The following TMED5 variants were observed in gnomAD, a reference collection of about 807,000 sequenced individuals.
TMED5 encodes transmembrane p24 trafficking protein 5, also known as transmembrane emp24 domain-containing protein 5.
TMED5 carries 27 observed loss-of-function variants against 23.0 expected under a neutral mutation model. The observed-to-expected ratio is 1.17, with a 90% confidence interval of 0.86 to 1.62. TMED5 has a LOEUF of 1.62. TMED5 is among the 40% of genes most tolerant of loss of function. The probability of loss-of-function intolerance (pLI) is 0.00; values close to 1 mark genes in which losing one functional copy is unlikely to be tolerated. For missense variants in TMED5, 248 were observed against 273.7 expected, an observed-to-expected ratio of 0.91 and a Z score of 0.66; for synonymous variants, 97 against 100.8, an observed-to-expected ratio of 0.96 and a Z score of 0.23.
At chr1:93,174,712 GCTCTCACTTCT>G in intron 1 of TMED5, among the ~76,000 whole-genome samples, 1 of 151,972 alleles carries the variant, frequency 6.6e-6, no homozygotes, top group East Asian at 1.9e-4. Context: ...TTACCATTTA[GCTCTCACTTCT>G]AAGTGAGAAC....
intron 3 of TMED5, 105 bp downstream of exon 3, chr1:93,156,195 G>T: frequency 1.7e-6 from 2 of 1,205,286 alleles, no homozygotes; most frequent in South Asian, 3.0e-5. Context: ...ATTAGAAACA[G>T]ATTTTCCTGG....
intron 1 of TMED5, among the ~76,000 whole-genome samples, chr1:93,172,916 C>T (rs781687892): frequency 3.9e-5 from 6 of 152,126 alleles, no homozygotes; most frequent in Admixed American, 6.5e-5. Flanking sequence ...TACTGGAGGA[C>T]ATTACACTAA....
intron 1 of TMED5, among the ~76,000 whole-genome samples, chr1:93,170,649 C>T (rs1168536150): frequency 2.0e-5 from 3 of 152,212 alleles, no homozygotes; most frequent in Non-Finnish European, 2.9e-5. Flanking sequence ...GCTCCACCTG[C>T]GGCCCAGGTG....
intron 1 of TMED5, chr1:93,160,615 T>C (rs1355812850): frequency 6.3e-6 from 1 of 158,822 alleles, no homozygotes; most frequent in Non-Finnish European, 1.4e-5. Flanking sequence ...CCCAGCACTT[T>C]GGGAGGCCGA....
chr1:93,180,213 G>T lies in TMED5; in HGVS notation c.30C>A (p.Pro10=). ...GAGGCAGAGCGGCCAGAAGGAGCACGGGGAAGGGCAGCCAGATCTTGTCGC... is the reference window on the plus strand; with the variant it reads ...GAGGCAGAGCGGCCAGAAGGAGCACTGGGAAGGGCAGCCAGATCTTGTCGC... MGDKIWLPF[P]VLLLAALPPV... Residue 10 remains proline, a synonymous_variant, in exon 1 of 4, where the codon CCC becomes CCA. Coordinates refer to ENST00000370282, the MANE Select transcript of TMED5 (RefSeq NM_016040.5). 6.2e-7 allele frequency: 1 copy of T among 1,612,604 alleles called. No individual in the cohort carries two copies.
intron 1 of TMED5, among the ~76,000 whole-genome samples, chr1:93,164,614 C>T (rs1385287273): frequency 6.6e-6 from 1 of 152,128 alleles, no homozygotes; most frequent in Non-Finnish European, 1.5e-5. Flanking sequence ...TCACTACCCA[C>T]GTGTTCAGAG....
chr1:93,180,002 ACG>A, intron 1 of TMED5, 50 bp downstream of exon 1: 2 of 1,560,176 alleles, frequency 1.3e-6, no homozygotes, highest in South Asian at 2.3e-5. Context: ...AGAGGCGACA[ACG>A]CAGTGCAGCT....
At chr1:93,167,036 G>A (rs1380917585) in intron 1 of TMED5, among the ~76,000 whole-genome samples, 1 of 152,126 alleles carries the variant, frequency 6.6e-6, no homozygotes, top group Non-Finnish European at 1.5e-5. Context: ...CTCAGTGTAT[G>A]TTCTTGGCAC....
chr1:93,178,168 CTA>C (rs749950418), intron 1 of TMED5, among the ~76,000 whole-genome samples: 14 of 152,140 alleles, frequency 9.2e-5, no homozygotes, highest in Admixed American at 2.6e-4. Flanking sequence ...GCAAACAAGG[CTA>C]TGATTCATGC....
intron 1 of TMED5, 51 bp from the exon 2 acceptor site, chr1:93,160,277 A>G (rs1648222291): frequency 4.5e-6 from 5 of 1,118,784 alleles, no homozygotes; most frequent in Non-Finnish European, 6.7e-6. Flanking sequence ...TCTGGAAATA[A>G]AAAATTATAT....
intron 1 of TMED5, among the ~76,000 whole-genome samples, chr1:93,177,584 CAAAAAAAAAAA>C (rs11322215): frequency 1.6e-4 from 7 of 44,410 alleles, no homozygotes; most frequent in African/African-American, 3.9e-4. Context: ...GACTCTGTCT[CAAAAAAAAAAA>C]AAAAAAAAAA....
intron 1 of TMED5, among the ~76,000 whole-genome samples, chr1:93,177,498 A>G (rs965830555): frequency 6.7e-6 from 1 of 149,878 alleles, no homozygotes; most frequent in South Asian, 2.1e-4. Context: ...AATCACTTGA[A>G]CTCGGGAGAT....
chr1:93,171,859 A>C (rs1652484763), intron 1 of TMED5, among the ~76,000 whole-genome samples: 1 of 152,262 alleles, frequency 6.6e-6, no homozygotes. Flanking sequence ...AATTACAACC[A>C]TGACCAGATG....
At position 93,180,013 on chromosome 1, in the gene TMED5, C is replaced by T. The variant is rs1212181764; in HGVS notation, c.189+41G>A. The T allele has an allele frequency of 1.9e-6, 3 of 1,588,094 alleles. No homozygotes were observed. In the Admixed American group the frequency reaches 5.3e-5, roughly 28 times the overall value. On this transcript the variant is annotated intron_variant, in intron 1 of 3. Coordinates refer to ENST00000370282, the MANE Select transcript of TMED5 (RefSeq NM_016040.5). ...GGTGAGAGGCGACAACGCAGTGCAG[C>T]TGGGTTAAAGGAAGGAGGCTGGTTT... is the stretch of plus-strand genomic sequence containing the variant.
intron 3 of TMED5, 86 bp downstream of exon 3, chr1:93,156,214 G>C (rs1380187677): frequency 3.1e-6 from 4 of 1,304,748 alleles, no homozygotes; most frequent in Non-Finnish European, 4.3e-6. Flanking sequence ...GGATAATGCA[G>C]ATAAAATGCT....
intron 1 of TMED5, among the ~76,000 whole-genome samples, chr1:93,172,331 C>T (rs935831426): frequency 3.3e-5 from 5 of 152,050 alleles, no homozygotes; most frequent in Admixed American, 6.5e-5. Flanking sequence ...AAACCCGTCC[C>T]GGAACTAATA....
At position 93,154,534 on chromosome 1, in the gene TMED5, T is replaced by A; in HGVS notation, c.*136A>T. The A allele has an allele frequency of 3.1e-6, 2 of 638,570 alleles. No homozygotes were observed. The allele number at this position is 638,570 out of a possible 1,614,324, so 39.6% of individuals were successfully genotyped here. ...TGCACAGAAAGTGAAGACTTAATTTTCACATTAAAATTATACCTGTTTCCT... is the reference window on the plus strand; with the variant it reads ...TGCACAGAAAGTGAAGACTTAATTTACACATTAAAATTATACCTGTTTCCT... On this transcript the variant is annotated 3_prime_UTR_variant, in exon 4 of 4. Coordinates refer to ENST00000370282, the MANE Select transcript of TMED5 (RefSeq NM_016040.5).
At chr1:93,165,577 G>A (rs992320663) in intron 1 of TMED5, among the ~76,000 whole-genome samples, 1 of 152,142 alleles carries the variant, frequency 6.6e-6, no homozygotes, top group South Asian at 2.1e-4. Context: ...ATTTGTGTGG[G>A]TAAATAGTAG....
rs1647840582 is a variant in TMED5, at chr1:93,150,627, A to G, written c.*4043T>C. ...TGCATCCTAGCAAAACAACTCTAAA[A>G]TTTATCATTTGGAACTGTCTTTTCT... On this transcript the variant is annotated 3_prime_UTR_variant, in exon 4 of 4. Transcript: ENST00000370282. 6.6e-6 allele frequency: 1 copy of G among 152,174 alleles called. No homozygotes were observed. Among genetic ancestry groups the G allele is most frequent in the Non-Finnish European group, 1.5e-5 (1 of 68,026 alleles). The allele number at this position is 152,174 out of a possible 1,614,324, so 9.4% of individuals were successfully genotyped here. A position where few individuals can be genotyped will look rare whatever the true frequency, so the allele number is the denominator to read the frequency against.
Sources: gnomAD v4.1 joint callset for allele counts (sites outside exome capture counted in the v4.1 genomes callset) on GRCh38, gnomAD v4.1.1 for gene constraint, MANE v1.5 for transcripts, NCBI Gene and HGNC (gene_info 2026-07-23, HGNC 2026-07-21) for gene names.